The following CSMD1 variants were observed in gnomAD, a reference collection of about 807,000 sequenced individuals.
CSMD1 encodes CUB and sushi domain-containing protein 1.
CSMD1 carries 213 observed loss-of-function variants against 417.5 expected under a neutral mutation model. The observed-to-expected ratio is 0.51, with a 90% CI of 0.46 to 0.57. CSMD1 has a LOEUF of 0.57. Among genes scored for constraint, CSMD1 ranks in the 20% least tolerant of loss-of-function variants. CSMD1 has a pLI of 0.00. For synonymous variants in CSMD1, 2,862 were observed against 1,736.8 expected, an observed-to-expected ratio of 1.65 and a Z score of -16.11; for missense variants, 6,923 against 4,529.7, an observed-to-expected ratio of 1.53 and a Z score of -15.17.
intron 3 of CSMD1, among the ~76,000 whole-genome samples, chr8:4,345,367 T>C (rs1472281574): frequency 6.6e-6 from 1 of 152,142 alleles, no homozygotes; most frequent in Non-Finnish European, 1.5e-5. Context: ...TTTTGACATG[T>C]AATTATACAC....
intron 18 of CSMD1, among the ~76,000 whole-genome samples, chr8:3,370,778 C>T (rs1315618553): frequency 2.0e-5 from 3 of 152,128 alleles, no homozygotes; most frequent in South Asian, 2.1e-4. Context: ...AGTTCCAGAC[C>T]AGCCTGGCCA....
chr8:4,008,612 T>TA (rs1563312998), intron 4 of CSMD1, among the ~76,000 whole-genome samples: 26 of 132,656 alleles, frequency 2.0e-4, no homozygotes, highest in African/African-American at 7.4e-4. Flanking sequence ...TTTTTTTTTT[T>TA]TTTTTTTTTT....
rs557305542 is a variant in CSMD1, at chr8:4,037,241, T to C, written c.416-5142A>G. On this transcript the variant is annotated intron_variant, in intron 3 of 69. Coordinates refer to ENST00000635120, the MANE Select transcript of CSMD1 (RefSeq NM_033225.6). ...GTTTTCTATGACAAGTAATATGACA[T>C]AGGAACTTTACTTTTGTTTATATCA... Among the ~76,000 whole-genome samples the C allele has an allele frequency of 1.6e-3, 249 of 152,340 alleles. 1 individual carries two copies. Among genetic ancestry groups the C allele is most frequent in the African/African-American group, 5.6e-3 (231 of 41,574 alleles).
intron 23 of CSMD1, among the ~76,000 whole-genome samples, chr8:3,329,370 A>C (rs1275921216): frequency 6.6e-6 from 1 of 152,008 alleles, no homozygotes; most frequent in Non-Finnish European, 1.5e-5. Flanking sequence ...GTTCTGCAGG[A>C]GAAAGGAATG....
intron 3 of CSMD1, among the ~76,000 whole-genome samples, chr8:4,051,912 CT>C (rs1271822697): frequency 4.1e-5 from 6 of 144,622 alleles, no homozygotes; most frequent in Non-Finnish European, 7.6e-5. Flanking sequence ...TCCTTCCTTC[CT>C]TTCTTTCTTT....
intron 2 of CSMD1, among the ~76,000 whole-genome samples, chr8:4,555,868 A>C (rs1236532578): frequency 6.6e-6 from 1 of 152,200 alleles, no homozygotes; most frequent in Non-Finnish European, 1.5e-5. Context: ...TAAAAGACTG[A>C]AAAGACTTTC....
At chr8:4,235,875 C>G (rs1018002504) in intron 3 of CSMD1, among the ~76,000 whole-genome samples, 2 of 152,102 alleles carry the variant, frequency 1.3e-5, no homozygotes, top group African/African-American at 4.8e-5. Flanking sequence ...TGAGGAATAG[C>G]GGAACCGGCT....
intron 3 of CSMD1, among the ~76,000 whole-genome samples, chr8:4,320,493 T>C (rs923197921): frequency 6.6e-6 from 1 of 152,148 alleles, no homozygotes; most frequent in Non-Finnish European, 1.5e-5. Flanking sequence ...TTTTTCCTAA[T>C]GCTATTCCTC....
chr8:3,080,393 C>T (rs1431668316), intron 49 of CSMD1, among the ~76,000 whole-genome samples: 1 of 152,052 alleles, frequency 6.6e-6, no homozygotes, highest in African/African-American at 2.4e-5. Flanking sequence ...TTATCAAGGT[C>T]GATAAGAACC....
chr8:3,306,821 AAGAGCTTACTTTAAAAATATTAC>A (rs11272267), intron 25 of CSMD1, among the ~76,000 whole-genome samples: 78,480 of 143,012 alleles, frequency 0.55, 20,770 homozygotes, highest in Middle Eastern at 0.6. Context: ...GTAGATCACC[AAGAGCTTACTTTAAAAATATTAC>A]AGAGCTTACT....
chr8:3,781,742 G>A (rs1799197827), intron 5 of CSMD1, among the ~76,000 whole-genome samples: 2 of 152,152 alleles, frequency 1.3e-5, no homozygotes, highest in Admixed American at 1.3e-4. Context: ...TATTGCCCCT[G>A]ACAATCTGAT....
intron 6 of CSMD1, among the ~76,000 whole-genome samples, chr8:3,727,649 A>G (rs1231191585): frequency 6.6e-6 from 1 of 152,234 alleles, no homozygotes; most frequent in East Asian, 1.9e-4. Flanking sequence ...CTGGGATTCA[A>G]GTAGATGTTT....
chr8:4,749,858 C>T (rs912818679), intron 1 of CSMD1, among the ~76,000 whole-genome samples: 12 of 152,008 alleles, frequency 7.9e-5, no homozygotes, highest in Admixed American at 2.0e-4. Flanking sequence ...TGTGGATTTA[C>T]GGCAAAAAGA....
intron 5 of CSMD1, among the ~76,000 whole-genome samples, chr8:3,991,491 T>C (rs551869244): frequency 4.6e-5 from 7 of 152,214 alleles, no homozygotes; most frequent in Non-Finnish European, 8.8e-5. Context: ...ATCATTATGT[T>C]ATACCCAGAA....
intron 23 of CSMD1, among the ~76,000 whole-genome samples, chr8:3,337,471 A>G (rs762553276): frequency 2.6e-5 from 4 of 152,202 alleles, no homozygotes; most frequent in Admixed American, 6.5e-5. Flanking sequence ...TGATGGCTTC[A>G]AAGATCTCTT....
chr8:2,953,709 T>C (rs1802803013), intron 65 of CSMD1, among the ~76,000 whole-genome samples: 1 of 152,238 alleles, frequency 6.6e-6, no homozygotes, highest in Non-Finnish European at 1.5e-5. Flanking sequence ...ATAATGCTTT[T>C]AGCAAAAGGT....
At chr8:3,580,574 T>A (rs1800340647) in intron 9 of CSMD1, among the ~76,000 whole-genome samples, 1 of 152,132 alleles carries the variant, frequency 6.6e-6, no homozygotes, top group Non-Finnish European at 1.5e-5. Flanking sequence ...GCCAATAACT[T>A]AGTAAAAATA....
chr8:4,296,034 GT>G (rs2128870392), intron 3 of CSMD1, among the ~76,000 whole-genome samples: 1 of 151,966 alleles, frequency 6.6e-6, no homozygotes, highest in Non-Finnish European at 1.5e-5. Context: ...AAATGAAACT[GT>G]CTAATTGCAA....
intron 21 of CSMD1, among the ~76,000 whole-genome samples, chr8:3,355,856 A>G (rs1229306465): frequency 1.3e-5 from 2 of 152,194 alleles, no homozygotes; most frequent in African/African-American, 4.8e-5. Context: ...ATCCTAAACA[A>G]TACACGTGTA....
Sources: gnomAD v4.1 joint callset for allele counts (sites outside exome capture counted in the v4.1 genomes callset) on GRCh38, gnomAD v4.1.1 for gene constraint, MANE v1.5 for transcripts, NCBI Gene and HGNC (gene_info 2026-07-23, HGNC 2026-07-21) for gene names.